The following ST18 variants were observed in gnomAD, a reference collection of about 807,000 sequenced individuals.
ST18 encodes ST18 C2H2C-type zinc finger transcription factor, also known as suppression of tumorigenicity 18 protein.
A neutral mutation model predicts 110.0 loss-of-function variants in ST18; 50 were observed. That is an observed-to-expected ratio of 0.45 (90% CI 0.36 to 0.58). The LOEUF (loss-of-function observed/expected upper bound fraction) is 0.58, where lower values mean the gene tolerates loss of function less well. Ranked by LOEUF, ST18 falls within the 20% of genes least tolerant of loss-of-function variation. The pLI, the probability that ST18 is intolerant of heterozygous loss-of-function variation, is 0.00. For missense variants in ST18, 1,306 were observed against 1,280.1 expected, an observed-to-expected ratio of 1.02 and a Z score of -0.31; for synonymous variants, 461 against 452.4, an observed-to-expected ratio of 1.02 and a Z score of -0.24.
chr8:52,151,041 C>T (rs1298811761), intron 15 of ST18: 2 of 152,166 alleles, frequency 1.3e-5, no homozygotes, highest in African/African-American at 4.8e-5. Context: ...CGCCATCATC[C>T]ATCAATTTAA....
chr8:52,166,095 C>T (rs1335583563), intron 11 of ST18, among the ~76,000 whole-genome samples: 1 of 152,168 alleles, frequency 6.6e-6, no homozygotes, highest in Non-Finnish European at 1.5e-5. Flanking sequence ...ATGGTGACTG[C>T]TCTGTGATGC....
At chr8:52,286,388 A>G (rs865850375) in intron 2 of ST18, among the ~76,000 whole-genome samples, 10 of 152,230 alleles carry the variant, frequency 6.6e-5, no homozygotes, top group African/African-American at 2.4e-4. Context: ...TTGTGTGGAA[A>G]CAGCAGAGCA....
At chr8:52,120,520 G>A (rs188090384) in intron 23 of ST18, among the ~76,000 whole-genome samples, 56 of 152,292 alleles carry the variant, frequency 3.7e-4, no homozygotes, top group African/African-American at 1.1e-3. Flanking sequence ...AGGCAGGCCT[G>A]TGAAAAACCA....
chr8:52,389,650 C>T (rs1838539470), intron 2 of ST18, among the ~76,000 whole-genome samples: 1 of 152,128 alleles, frequency 6.6e-6, no homozygotes, highest in Admixed American at 6.5e-5. Context: ...CCAGAGAGCC[C>T]GCACCTCTCC....
chr8:52,244,337 T>C (rs1211910808), intron 2 of ST18, among the ~76,000 whole-genome samples: 1 of 152,148 alleles, frequency 6.6e-6, no homozygotes, highest in African/African-American at 2.4e-5. Flanking sequence ...TAAATATCAG[T>C]GGGATATTCT....
chr8:52,394,988 G>A (rs1306705046), intron 2 of ST18, among the ~76,000 whole-genome samples: 1 of 152,220 alleles, frequency 6.6e-6, no homozygotes, highest in Non-Finnish European at 1.5e-5. Flanking sequence ...ACCAAGAAGG[G>A]AACATTTCCA....
intron 2 of ST18, among the ~76,000 whole-genome samples, chr8:52,231,652 T>G (rs1208610906): frequency 6.6e-6 from 1 of 152,208 alleles, no homozygotes; most frequent in Non-Finnish European, 1.5e-5. Context: ...AATTTTTGTA[T>G]TTTTAGTAAA....
intron 2 of ST18, among the ~76,000 whole-genome samples, chr8:52,378,931 T>G (rs866711226): frequency 2.6e-5 from 4 of 152,202 alleles, no homozygotes; most frequent in Admixed American, 1.3e-4. Context: ...ACAGTCATTA[T>G]GAGCTGCTGC....
intron 8 of ST18, among the ~76,000 whole-genome samples, chr8:52,191,663 T>C (rs1379653910): frequency 6.6e-6 from 1 of 152,130 alleles, no homozygotes; most frequent in African/African-American, 2.4e-5. Flanking sequence ...GGTCAGCAGG[T>C]CACAACTTAA....
At chr8:52,263,178 T>C (rs984506009) in intron 2 of ST18, among the ~76,000 whole-genome samples, 1 of 152,224 alleles carries the variant, frequency 6.6e-6, no homozygotes, top group African/African-American at 2.4e-5. Flanking sequence ...GATTATCACA[T>C]TGCAATTTGA....
intron 8 of ST18, among the ~76,000 whole-genome samples, chr8:52,209,600 G>A (rs567692064): frequency 6.6e-6 from 1 of 151,340 alleles, no homozygotes; most frequent in African/African-American, 2.4e-5. Flanking sequence ...GGAGAAACCC[G>A]TCTCTACTAA....
chr8:52,234,156 G>T (rs908478527), intron 2 of ST18, among the ~76,000 whole-genome samples: 9 of 152,164 alleles, frequency 5.9e-5, no homozygotes, highest in Non-Finnish European at 1.0e-4. Flanking sequence ...TGCCTTAGAA[G>T]AACTACAGAA....
chr8:52,115,338 G>A (rs2042148862), intron 25 of ST18, among the ~76,000 whole-genome samples: 1 of 152,100 alleles, frequency 6.6e-6, no homozygotes, highest in Admixed American at 6.5e-5. Context: ...CCAAAGATTT[G>A]TCTGTATTTA....
chr8:52,331,805 G>T (rs564967216), intron 2 of ST18, among the ~76,000 whole-genome samples: 30 of 152,268 alleles, frequency 2.0e-4, no homozygotes, highest in African/African-American at 6.5e-4. Flanking sequence ...TTGGCTTAAG[G>T]TGTCATTTCA....
intron 8 of ST18, among the ~76,000 whole-genome samples, chr8:52,182,629 G>T (rs1366101385): frequency 3.9e-5 from 6 of 152,096 alleles, no homozygotes; most frequent in African/African-American, 7.2e-5. Flanking sequence ...GGTTGCCGGG[G>T]GATGAGGGAG....
intron 2 of ST18, among the ~76,000 whole-genome samples, chr8:52,295,742 C>T (rs1360867144): frequency 7.8e-6 from 1 of 128,650 alleles, no homozygotes; most frequent in East Asian, 2.4e-4. Flanking sequence ...TTAAGGGAGA[C>T]AAGCTCCAAC....
At chr8:52,368,388 C>T (rs1008280262) in intron 2 of ST18, among the ~76,000 whole-genome samples, 2 of 152,162 alleles carry the variant, frequency 1.3e-5, no homozygotes, top group African/African-American at 2.4e-5. Context: ...CAAAAATGTT[C>T]ACCAGCTGCT....
intron 15 of ST18, among the ~76,000 whole-genome samples, chr8:52,154,255 G>C (rs567853444): frequency 2.0e-5 from 3 of 152,362 alleles, no homozygotes; most frequent in Non-Finnish European, 4.4e-5. Flanking sequence ...CAGACTTCCT[G>C]ATACCAGGCG....
chr8:52,324,453 T>G (rs1416265647), intron 2 of ST18, among the ~76,000 whole-genome samples: 4 of 151,990 alleles, frequency 2.6e-5, no homozygotes, highest in African/African-American at 9.7e-5. Context: ...CAGGTAAGGT[T>G]TCACAGAGGA....
Sources: allele counts gnomAD v4.1 joint callset (sites outside exome capture counted in the v4.1 genomes callset), GRCh38; gene constraint gnomAD v4.1.1; transcripts MANE v1.5; gene names NCBI Gene and HGNC (gene_info 2026-07-23, HGNC 2026-07-21).